SYNE2: variants seen among roughly 807,000 people sequenced by gnomAD.
SYNE2 encodes spectrin repeat containing nuclear envelope protein 2.
SYNE2 carries 431 observed loss-of-function variants against 856.3 expected under a neutral mutation model. The ratio of observed to expected loss-of-function variants is 0.50; its 90% confidence interval spans 0.47 to 0.55. The LOEUF is 0.55. Among genes scored for constraint, SYNE2 ranks in the 20% least tolerant of loss-of-function variants. The probability of loss-of-function intolerance (pLI) is 0.00; values close to 1 mark genes in which losing one functional copy is unlikely to be tolerated. For synonymous variants in SYNE2, 2,923 were observed against 2,872.3 expected (o/e 1.02, Z -0.56); for missense variants, 8,129 against 8,023.2 (o/e 1.01, Z -0.50).
chr14:63,944,736 G>C (rs1041103578), intron 6 of SYNE2, among the ~76,000 whole-genome samples: 1 of 149,668 alleles, frequency 6.7e-6, no homozygotes, highest in Non-Finnish European at 1.5e-5. Context: ...GGCCAGGCTG[G>C]TCTCGAACTC....
intron 11 of SYNE2, among the ~76,000 whole-genome samples, chr14:63,970,651 C>CTTTTTTTTTTTTTTTTTTTTTTTTTTTCT (rs61126600): frequency 1.0e-5 from 1 of 98,888 alleles, no homozygotes; most frequent in Non-Finnish European, 1.9e-5. Flanking sequence ...TTTCTTTTTT[C>CTTTTTTTTTTTTTTTTTTTTTTTTTTTCT]TTTTTTTTTT....
chr14:64,017,487 C>A, intron 33 of SYNE2, 108 bp from the exon 34 acceptor site: 2 of 896,212 alleles, frequency 2.2e-6, no homozygotes, highest in Non-Finnish European at 3.6e-6. Context: ...AGCAGATTAT[C>A]CAGTAATAGT....
chr14:63,834,068 A>AT (rs572668101), intron 1 of SYNE2, among the ~76,000 whole-genome samples: 5 of 152,310 alleles, frequency 3.3e-5, no homozygotes, highest in Admixed American at 1.3e-4. Context: ...AGGCAGTCTC[A>AT]TTTTTTTGGT....
In SYNE2 at chr14:64,142,102, A is replaced by C. The variant is rs759143476; in HGVS notation, c.15306+14A>C. The stretch of plus-strand genomic sequence containing the variant: ...CAGAAGCACAAGGTAATTATGCAAA[A>C]GGAGCAGAAGTCTTTTCATTGAAAC... On this transcript the variant is annotated intron_variant, in intron 82 of 115. Transcript: ENST00000555002. 2 of 1,613,996 alleles carry C rather than the reference A, an allele frequency of 1.2e-6. No homozygotes were observed. The highest frequency in any genetic ancestry group is 2.2e-5 in the South Asian group (2 of 91,060).
chr14:63,998,836 T>G, intron 26 of SYNE2, 78 bp from the exon 27 acceptor site: 3 of 1,546,522 alleles, frequency 1.9e-6, no homozygotes, highest in South Asian at 2.2e-5. Context: ...GTGCTAGGAT[T>G]ACAGGTGTGA....
At chr14:63,932,934 A>G (rs893703847) in intron 2 of SYNE2, among the ~76,000 whole-genome samples, 1 of 152,174 alleles carries the variant, frequency 6.6e-6, no homozygotes, top group Non-Finnish European at 1.5e-5. Context: ...ATGGGTAGAG[A>G]AGTCGTGGAG....
At chr14:64,184,124 T>C (rs985965941) in intron 96 of SYNE2, among the ~76,000 whole-genome samples, 2 of 152,218 alleles carry the variant, frequency 1.3e-5, no homozygotes, top group African/African-American at 4.8e-5. Flanking sequence ...TTTTTTCATT[T>C]AGTCTTTATG....
intron 63 of SYNE2, among the ~76,000 whole-genome samples, chr14:64,100,998 G>T (rs968555772): frequency 6.6e-6 from 1 of 151,942 alleles, no homozygotes; most frequent in African/African-American, 2.4e-5. Context: ...ATTTTTTAAG[G>T]CCAGATAGTA....
At chr14:64,058,686 G>A (rs989827906) in intron 49 of SYNE2, among the ~76,000 whole-genome samples, 2 of 151,990 alleles carry the variant, frequency 1.3e-5, no homozygotes, top group East Asian at 1.9e-4. Flanking sequence ...TCCCCATGTC[G>A]GCCAGGCTGG....
rs2096556894 is a variant in SYNE2, at chr14:63,977,914, G to A, written c.1303G>A (p.Asp435Asn). The change falls in exon 13 of 116, where the codon GAT (aspartate) becomes AAT (asparagine). Residue 435 changes from aspartate to asparagine, a missense_variant. Transcript: ENST00000555002. Reference sequence around the variant, plus strand: ...CTGAATTTCTTTTCAGAGCCTGATGGATAGATTTGAGCATCATTCGAACAT... The same window carrying A: ...CTGAATTTCTTTTCAGAGCCTGATGAATAGATTTGAGCATCATTCGAACAT... ...EKMTLFKSLM[D>N]RFEHHSNILL... 1 of 1,611,820 alleles carries A rather than the reference G, an allele frequency of 6.2e-7. No individual in the cohort carries two copies. The highest frequency in any genetic ancestry group is 1.1e-5 in the South Asian group (1 of 91,042).
intron 1 of SYNE2, among the ~76,000 whole-genome samples, chr14:63,877,949 A>G (rs2094766138): frequency 6.6e-6 from 1 of 150,844 alleles, no homozygotes; most frequent in South Asian, 2.1e-4. Flanking sequence ...GTGCAGTAGT[A>G]TCATCATGGC....
chr14:63,797,552 C>T (rs1169367290), intron 1 of SYNE2, among the ~76,000 whole-genome samples: 1 of 152,102 alleles, frequency 6.6e-6, no homozygotes, highest in Non-Finnish European at 1.5e-5. Context: ...AGCAATTCTC[C>T]TGTCTCAGCC....
intron 2 of SYNE2, among the ~76,000 whole-genome samples, chr14:63,939,222 CAG>C (rs1432372565): frequency 6.6e-6 from 1 of 152,006 alleles, no homozygotes; most frequent in African/African-American, 2.4e-5. Context: ...TGCTGAAAAT[CAG>C]GGGGTAGAGG....
intron 54 of SYNE2, among the ~76,000 whole-genome samples, chr14:64,077,646 T>C (rs2097476852): frequency 1.3e-5 from 2 of 152,172 alleles, no homozygotes. Flanking sequence ...TGTTTTTTTT[T>C]TTAATTTACA....
intron 7 of SYNE2, among the ~76,000 whole-genome samples, chr14:63,954,507 A>C (rs113005886): frequency 4.2e-4 from 64 of 152,318 alleles, no homozygotes; most frequent in African/African-American, 1.3e-3. Flanking sequence ...CTGGCTCAGG[A>C]AACAAATTTT....
chr14:63,774,699 T>C (rs1010756560), intron 1 of SYNE2, among the ~76,000 whole-genome samples: 4 of 151,890 alleles, frequency 2.6e-5, no homozygotes, highest in South Asian at 4.2e-4. Flanking sequence ...TACACTTGGC[T>C]AAAGAGAGGT....
chr14:63,933,752 G>A (rs892861425), intron 2 of SYNE2, among the ~76,000 whole-genome samples: 5 of 151,938 alleles, frequency 3.3e-5, no homozygotes, highest in African/African-American at 1.2e-4. Context: ...TTATTTCTTT[G>A]CTTTTTCTAT....
intron 1 of SYNE2, among the ~76,000 whole-genome samples, chr14:63,868,085 T>A (rs1235534815): frequency 5.3e-5 from 8 of 151,966 alleles, no homozygotes; most frequent in African/African-American, 1.7e-4. Context: ...TTTTGCCCAC[T>A]GTTGCAGTTA....
Position 63,994,026 on chromosome 14 carries a change from T to C in SYNE2, c.2781+57T>C, listed in dbSNP as rs756210398. On this transcript the variant is annotated intron_variant, in intron 22 of 115. Transcript: ENST00000555002. ...TTTTTATATGTCTGATCCTGGGCTG[T>C]TGGTTGTCAGAGCCATTCCTGGGGT... The C allele has an allele frequency of 1.9e-6, 3 of 1,584,236 alleles. No individual in the cohort carries two copies. The Admixed American group carries it at 5.1e-5, about 27-fold the overall frequency.
Sources: allele counts gnomAD v4.1 joint callset (sites outside exome capture counted in the v4.1 genomes callset), GRCh38; gene constraint gnomAD v4.1.1; transcripts MANE v1.5; gene names NCBI Gene and HGNC (gene_info 2026-07-23, HGNC 2026-07-21).